The following SPATA6 variants were observed in gnomAD, a reference collection of about 807,000 sequenced individuals.
SPATA6 encodes spermatogenesis associated 6, also known as spermatogenesis-associated protein 6.
Under a neutral mutation model 65.3 loss-of-function variants are expected in SPATA6, and 56 were observed. The ratio of observed to expected loss-of-function variants is 0.86; its 90% CI spans 0.69 to 1.07. The LOEUF (loss-of-function observed/expected upper bound fraction) is 1.07, where lower values mean the gene tolerates loss of function less well. SPATA6 is among the 50% of genes least tolerant of loss of function. SPATA6 has a pLI of 0.00. For synonymous variants in SPATA6, 199 were observed against 213.2 expected (o/e 0.93, Z 0.58); for missense variants, 590 against 594.8 (o/e 0.99, Z 0.08).
intron 11 of SPATA6, among the ~76,000 whole-genome samples, chr1:48,327,352 G>A (rs1413891123): frequency 6.6e-6 from 1 of 152,154 alleles, no homozygotes; most frequent in South Asian, 2.1e-4. Context: ...AACAGCAGAT[G>A]CTGGCATGAA....
intron 11 of SPATA6, among the ~76,000 whole-genome samples, chr1:48,349,022 G>T (rs926228267): frequency 2.0e-5 from 3 of 151,880 alleles, no homozygotes; most frequent in Non-Finnish European, 4.4e-5. Flanking sequence ...TACAGCAGGG[G>T]TTATCAAACT....
chr1:48,455,428 G>A (rs922714646), intron 1 of SPATA6, among the ~76,000 whole-genome samples: 3 of 150,946 alleles, frequency 2.0e-5, no homozygotes, highest in African/African-American at 7.3e-5. Flanking sequence ...TGTCGTCCAG[G>A]CTGCAGTACA....
the SPATA6 span, among the ~76,000 whole-genome samples, chr1:48,262,027 T>C: frequency 6.6e-6 from 1 of 152,134 alleles, no homozygotes; most frequent in African/African-American, 2.4e-5. Flanking sequence ...ACATACAAGA[T>C]GTTGCCTACA....
intron 5 of SPATA6, among the ~76,000 whole-genome samples, chr1:48,410,294 C>T (rs1279863602): frequency 6.6e-6 from 1 of 152,158 alleles, no homozygotes; most frequent in African/African-American, 2.4e-5. Context: ...CAGTTCCCAA[C>T]AAATTTCTCA....
intron 9 of SPATA6, among the ~76,000 whole-genome samples, chr1:48,382,629 ACC>A (rs1158594255): frequency 0.1 from 508 of 4,896 alleles, 1 homozygote; most frequent in East Asian, 0.29. Flanking sequence ...CGGCTGGCCG[ACC>A]CCCCCCCCCC....
intron 1 of SPATA6, among the ~76,000 whole-genome samples, chr1:48,464,855 T>C (rs1342789391): frequency 6.6e-6 from 1 of 152,142 alleles, no homozygotes; most frequent in East Asian, 1.9e-4. Context: ...CATTTACGAT[T>C]TGTGTACTTT....
chr1:48,322,693 A>G (rs1476275683), intron 11 of SPATA6, among the ~76,000 whole-genome samples: 1 of 152,234 alleles, frequency 6.6e-6, no homozygotes, highest in Non-Finnish European at 1.5e-5. Context: ...TAATATCCAG[A>G]ATCTACAAAG....
the SPATA6 span, among the ~76,000 whole-genome samples, chr1:48,278,050 C>T: frequency 5.3e-5 from 8 of 152,210 alleles, no homozygotes; most frequent in African/African-American, 1.2e-4. Flanking sequence ...GCACCCATCA[C>T]TGCTGATACC....
intron 3 of SPATA6, among the ~76,000 whole-genome samples, chr1:48,431,496 A>T (rs1193130166): frequency 6.6e-6 from 1 of 152,186 alleles, no homozygotes; most frequent in African/African-American, 2.4e-5. Context: ...TATATGGGGT[A>T]TATATGGGGC....
rs1227428980 is a variant in SPATA6 at position 48,296,376 on chromosome 1, C to G, written c.*2337G>C. On this transcript the variant is annotated 3_prime_UTR_variant, in exon 13 of 13. Coordinates refer to ENST00000371847, the MANE Select transcript of SPATA6 (RefSeq NM_019073.4). ...CTATTAGTATCTGGGAATTTGCCCCCAACTTTCAGAAAGACACTAAATTTA... is the reference window on the plus strand; with the variant it reads ...CTATTAGTATCTGGGAATTTGCCCCGAACTTTCAGAAAGACACTAAATTTA... The G allele has an allele frequency of 6.6e-6, 1 of 152,170 alleles. No homozygotes were observed. The highest frequency in any genetic ancestry group is 1.5e-5 in the Non-Finnish European group (1 of 68,016). The allele number at this position is 152,170 out of a possible 1,614,324, so 9.4% of individuals were successfully genotyped here. A position where few individuals can be genotyped will look rare whatever the true frequency, so the allele number is the denominator to read the frequency against.
At chr1:48,375,549 A>C (rs1441607985) in intron 9 of SPATA6, among the ~76,000 whole-genome samples, 2 of 152,008 alleles carry the variant, frequency 1.3e-5, no homozygotes, top group Admixed American at 6.5e-5. Context: ...TGTTTTCTTC[A>C]TGAGAGAAAT....
At chr1:48,278,744 T>G in the SPATA6 span, among the ~76,000 whole-genome samples, 1 of 152,212 alleles carries the variant, frequency 6.6e-6, no homozygotes, top group African/African-American at 2.4e-5. Flanking sequence ...TGGAACCAAG[T>G]TGGAAAACAC....
chr1:48,323,409 G>A (rs1645657056), intron 11 of SPATA6, among the ~76,000 whole-genome samples: 1 of 149,802 alleles, frequency 6.7e-6, no homozygotes, highest in African/African-American at 2.5e-5. Context: ...CACACACCAG[G>A]ACCTGTCGAG....
intron 3 of SPATA6, among the ~76,000 whole-genome samples, chr1:48,430,909 A>G (rs537283544): frequency 1.3e-5 from 2 of 152,320 alleles, no homozygotes; most frequent in East Asian, 3.9e-4. Flanking sequence ...GCAAAATGAA[A>G]TAAGTCTCTA....
intron 3 of SPATA6, chr1:48,435,938 T>A: frequency 1.3e-6 from 2 of 1,578,908 alleles, no homozygotes; most frequent in South Asian, 1.1e-5. Flanking sequence ...TGGATTTTTG[T>A]CACTTTCTGT....
chr1:48,368,533 A>C (rs547198465), intron 9 of SPATA6, among the ~76,000 whole-genome samples: 2 of 152,016 alleles, frequency 1.3e-5, no homozygotes, highest in East Asian at 3.9e-4. Context: ...TTCTCGCTTC[A>C]TTTCATTCAT....
chr1:48,320,933 G>A (rs1423502817), intron 11 of SPATA6, among the ~76,000 whole-genome samples: 1 of 152,162 alleles, frequency 6.6e-6, no homozygotes, highest in African/African-American at 2.4e-5. Flanking sequence ...AGCAATCAGT[G>A]TTAAGTTGTC....
At chr1:48,309,913 C>A (rs539400543) in intron 11 of SPATA6, among the ~76,000 whole-genome samples, 6 of 152,084 alleles carry the variant, frequency 3.9e-5, no homozygotes, top group Non-Finnish European at 7.4e-5. Flanking sequence ...TAGCCTAAGC[C>A]GTAACTGATT....
chr1:48,325,329 C>T (rs1053778868), intron 11 of SPATA6: 13 of 1,280,438 alleles, frequency 1.0e-5, no homozygotes, highest in Non-Finnish European at 1.5e-5. Flanking sequence ...AGGGCACAGG[C>T]CCCCGTAGAG....
Sources: allele counts gnomAD v4.1 joint callset (sites outside exome capture counted in the v4.1 genomes callset), GRCh38; gene constraint gnomAD v4.1.1; transcripts MANE v1.5; gene names NCBI Gene and HGNC (gene_info 2026-07-23, HGNC 2026-07-21).